The following RGMA variants were observed in gnomAD, a reference collection of about 807,000 sequenced individuals.
The protein encoded by RGMA is repulsive guidance molecule BMP co-receptor a.
Under a neutral mutation model 23.2 loss-of-function variants are expected in RGMA, and 10 were observed. The observed-to-expected ratio is 0.43, with a 90% CI of 0.27 to 0.73. The LOEUF (loss-of-function observed/expected upper bound fraction) is 0.73, where lower values mean the gene tolerates loss of function less well. Among genes scored for constraint, RGMA ranks in the 30% least tolerant of loss-of-function variants. RGMA has a pLI of 0.20. For missense variants in RGMA, 547 were observed against 630.5 expected (o/e 0.87, Z 1.42); for synonymous variants, 308 against 279.3 (o/e 1.10, Z -1.03).
Position 93,075,455 on chromosome 15 carries a change from T to C in RGMA, c.15-2424A>G, listed in dbSNP as rs1468693481. 2.0e-5 allele frequency among the ~76,000 whole-genome samples: 3 copies of C among 152,222 alleles called. No homozygotes were observed. The East Asian group carries it at 5.8e-4, about 29-fold the overall frequency. On this transcript the variant is annotated intron_variant, in intron 1 of 3. Coordinates refer to ENST00000329082, the MANE Select transcript of RGMA (RefSeq NM_020211.3). ...AAAGATTCATACAGACACATTGGGA[T>C]ATATGTACAACATAATGAACCCCAT...
At chr15:93,086,596 G>A (rs917004892) in intron 1 of RGMA, among the ~76,000 whole-genome samples, 3 of 152,182 alleles carry the variant, frequency 2.0e-5, no homozygotes, top group Non-Finnish European at 4.4e-5. Flanking sequence ...AGTTTCTTCT[G>A]AGAAACTGAA....
chr15:93,036,149 G>A lies in RGMA; in HGVS notation c.*8849C>T, dbSNP rs563398781. 1.3e-5 allele frequency: 2 copies of A among 152,312 alleles called. No homozygotes were observed. Among genetic ancestry groups the A allele is most frequent in the South Asian group, 2.1e-4 (1 of 4,826 alleles). 9.4% of individuals were successfully genotyped at this position (152,312 alleles called of 1,614,324 possible). ...ACTAGAGGTCAGTCCCGTGAGGGCG[G>A]GCACATTCATTCGAGCGACCACAGC... On this transcript the variant is annotated 3_prime_UTR_variant, in exon 4 of 4. Coordinates refer to ENST00000329082, the MANE Select transcript of RGMA (RefSeq NM_020211.3).
chr15:93,058,810 G>A (rs1310675147), intron 2 of RGMA, among the ~76,000 whole-genome samples: 1 of 152,130 alleles, frequency 6.6e-6, no homozygotes, highest in Non-Finnish European at 1.5e-5. Context: ...AGGTGCTGCG[G>A]GGCCACAAAG....
intron 1 of RGMA, among the ~76,000 whole-genome samples, chr15:93,087,785 C>T (rs1264536286): frequency 6.6e-6 from 1 of 152,142 alleles, no homozygotes; most frequent in African/African-American, 2.4e-5. Flanking sequence ...GGTGATGGAG[C>T]TCCTTTAGGT....
At chr15:93,088,360 G>A (rs1038007583) in intron 1 of RGMA, 1 of 985,396 alleles carries the variant, frequency 1.0e-6, no homozygotes, top group East Asian at 1.1e-4. Flanking sequence ...GGGGCGGCTT[G>A]GCAATGGGCA....
chr15:93,076,107 C>T (rs944468557), intron 1 of RGMA, among the ~76,000 whole-genome samples: 1 of 152,240 alleles, frequency 6.6e-6, no homozygotes, highest in East Asian at 1.9e-4. Context: ...GTGTAGTTGA[C>T]TTCAAACAAA....
intron 1 of RGMA, among the ~76,000 whole-genome samples, chr15:93,084,499 G>C (rs1045688275): frequency 2.0e-5 from 3 of 151,850 alleles, no homozygotes; most frequent in African/African-American, 4.8e-5. Flanking sequence ...TTGAGATGGA[G>C]TCTGGCTGTG....
intron 1 of RGMA, chr15:93,088,355 G>A (rs529407499): frequency 1.0e-6 from 1 of 985,470 alleles, no homozygotes; most frequent in Admixed American, 6.1e-5. Context: ...AAGCCGGGGC[G>A]GCTTGGCAAT....
intron 1 of RGMA, chr15:93,088,707 G>A: frequency 1.3e-6 from 1 of 771,378 alleles, no homozygotes; most frequent in Non-Finnish European, 1.9e-6. Flanking sequence ...GAGTATTTTA[G>A]GAAAAAAGAA....
At chr15:93,088,087 C>T (rs1895669763) in intron 1 of RGMA, among the ~76,000 whole-genome samples, 1 of 152,248 alleles carries the variant, frequency 6.6e-6, no homozygotes, top group Non-Finnish European at 1.5e-5. Flanking sequence ...TACAACCCAA[C>T]ACCTCCCAAA....
chr15:93,058,327 G>T (rs1279178648), intron 2 of RGMA, among the ~76,000 whole-genome samples: 2 of 152,192 alleles, frequency 1.3e-5, no homozygotes, highest in Non-Finnish European at 2.9e-5. Context: ...CGCCACTCCA[G>T]AGCTGTGTGA....
intron 1 of RGMA, among the ~76,000 whole-genome samples, chr15:93,075,761 G>T (rs1895463775): frequency 6.6e-6 from 1 of 152,196 alleles, no homozygotes; most frequent in Non-Finnish European, 1.5e-5. Flanking sequence ...TGCCTTTTTA[G>T]GAGGAGACCC....
rs1230095537 is a variant in RGMA at position 93,040,441 on chromosome 15, C to T, written c.*4557G>A. 1 of 152,574 alleles carries T rather than the reference C, an allele frequency of 6.6e-6. No homozygotes were observed. The allele number at this position is 152,574 out of a possible 1,614,324, so 9.5% of individuals were successfully genotyped here. On this transcript the variant is annotated 3_prime_UTR_variant, in exon 4 of 4. Transcript: ENST00000329082. ...TTAAACTCCCCCTTTGCTGCTGCTG[C>T]TCTAGGGCTGTTACACTGTTTTCTC...
chr15:93,043,028 A>T lies in RGMA; in HGVS notation c.*1970T>A, dbSNP rs181806153. On this transcript the variant is annotated 3_prime_UTR_variant, in exon 4 of 4. Coordinates refer to ENST00000329082, the MANE Select transcript of RGMA (RefSeq NM_020211.3). The stretch of plus-strand genomic sequence containing the variant: ...CTGACTGTGTTCCACTGTCACTAGA[A>T]CAAGAGGATCTGGGCCTGCCAAGCT... 1.3e-5 allele frequency: 2 copies of T among 152,390 alleles called. No individual in the cohort carries two copies. The highest frequency in any genetic ancestry group is 4.8e-5 in the African/African-American group (2 of 41,582). 9.4% of individuals were successfully genotyped at this position (152,390 alleles called of 1,614,324 possible).
Position 93,088,587 on chromosome 15 carries a change from G to T in RGMA, c.14+332C>A. On this transcript the variant is annotated intron_variant, in intron 1 of 3. Transcript: ENST00000329082. Reference sequence around the variant, plus strand: ...GCGGGACAGTCGGGTGGCCGGCTCCGTCCGGGGCTCCGCGAGCCGGGCTGA... The same window carrying T: ...GCGGGACAGTCGGGTGGCCGGCTCCTTCCGGGGCTCCGCGAGCCGGGCTGA... 3 of 1,070,998 alleles carry T rather than the reference G, an allele frequency of 2.8e-6. 1 individual carries two copies. Among genetic ancestry groups the T allele is most frequent in the Non-Finnish European group, 1.1e-6 (1 of 881,668 alleles). The allele number at this position is 1,070,998 out of a possible 1,614,324, so 66.3% of individuals were successfully genotyped here.
chr15:93,084,858 G>A (rs770300743), intron 1 of RGMA, among the ~76,000 whole-genome samples: 6 of 152,152 alleles, frequency 3.9e-5, no homozygotes, highest in South Asian at 2.1e-4. Flanking sequence ...AGTCTAATAG[G>A]GGAGTGAATC....
Position 93,080,688 on chromosome 15 carries a change from C to T in RGMA, c.15-7657G>A, listed in dbSNP as rs952844591. 5.3e-5 allele frequency among the ~76,000 whole-genome samples: 8 copies of T among 152,182 alleles called. 1 individual carries two copies. Among genetic ancestry groups the T allele is most frequent in the African/African-American group, 1.9e-4 (8 of 41,454 alleles). Reference sequence around the variant, plus strand: ...TCAGGCTGGGCTGGGCTGGGGCCTTCCTGCTGGTTGGCCAGCAGTTTCCAT... The same window carrying T: ...TCAGGCTGGGCTGGGCTGGGGCCTTTCTGCTGGTTGGCCAGCAGTTTCCAT... On this transcript the variant is annotated intron_variant, in intron 1 of 3. Transcript: ENST00000329082.
At chr15:93,047,578 C>T (rs544124534) in intron 3 of RGMA, among the ~76,000 whole-genome samples, 43 of 152,222 alleles carry the variant, frequency 2.8e-4, no homozygotes, top group African/African-American at 9.6e-4. Context: ...GGGCTCATCC[C>T]TCCCCACCCA....
chr15:93,083,452 C>T (rs1414678752), intron 1 of RGMA, among the ~76,000 whole-genome samples: 7 of 152,130 alleles, frequency 4.6e-5, no homozygotes, highest in African/African-American at 1.2e-4. Context: ...CTCAGCCCCT[C>T]GAGCAGCTGG....
Sources: gnomAD v4.1 joint callset for allele counts (sites outside exome capture counted in the v4.1 genomes callset) on GRCh38, gnomAD v4.1.1 for gene constraint, MANE v1.5 for transcripts, NCBI Gene and HGNC (gene_info 2026-07-23, HGNC 2026-07-21) for gene names.